The following COL24A1 variants were observed in gnomAD, a reference collection of about 807,000 sequenced individuals.
COL24A1 encodes collagen type XXIV alpha 1 chain.
A neutral mutation model predicts 253.9 loss-of-function variants in COL24A1; 224 were observed. The observed-to-expected ratio is 0.88, with a 90% CI of 0.79 to 0.99. The LOEUF (loss-of-function observed/expected upper bound fraction) is 0.99. Ranked by LOEUF, COL24A1 falls within the 50% of genes least tolerant of loss-of-function variation. COL24A1 has a pLI of 0.00. For missense variants in COL24A1, 2,131 were observed against 2,068.5 expected, an observed-to-expected ratio of 1.03 and a Z score of -0.59; for synonymous variants, 685 against 673.7, an observed-to-expected ratio of 1.02 and a Z score of -0.26.
Position 86,125,143 on chromosome 1 carries a change from G to A in COL24A1, c.1193C>T (p.Pro398Leu). The A allele has an allele frequency of 6.2e-7, 1 of 1,613,338 alleles. No homozygotes were observed. The highest frequency in any genetic ancestry group is 2.2e-5 in the East Asian group (1 of 44,854). Residue 398 changes from proline to leucine, a missense_variant, in exon 3 of 60, where the codon CCA (proline) becomes CTA (leucine). By Grantham distance (98) the Pro-to-Leu change is moderately conservative. Transcript: ENST00000370571. ...SLFKKMPSIL[P>L]QIKQDTITNL... is the part of the protein sequence containing the mutation. ...AGTAATTGTATCTTGTTTAATTTGT[G>A]GAAGAATAGATGGCATCTTCTTAAA...
intron 24 of COL24A1, among the ~76,000 whole-genome samples, chr1:85,916,951 C>T (rs879128774): frequency 8.5e-5 from 13 of 152,176 alleles, no homozygotes; most frequent in African/African-American, 1.4e-4. Flanking sequence ...TATAGAAAGA[C>T]GTTCATTGCT....
Position 85,907,245 on chromosome 1 carries a change from A to C in COL24A1, c.2727T>G (p.Gly909=). ...CAGGTGGTCCTCTTGCCCCCACATG[A>C]CCCTATATGTTGTAAATTTAAAGTC... The part of the protein sequence containing the change: ...PGPIGPLGLP[G]HVGARGPPGS... Residue 909 remains glycine, a splice_region_variant and synonymous_variant, in exon 28 of 60, where the codon GGT becomes GGG. Coordinates refer to ENST00000370571, the MANE Select transcript of COL24A1 (RefSeq NM_152890.7). 1 of 1,610,336 alleles carries C rather than the reference A, an allele frequency of 6.2e-7. No individual in the cohort carries two copies. Among genetic ancestry groups the C allele is most frequent in the Non-Finnish European group, 8.5e-7 (1 of 1,177,360 alleles).
intron 35 of COL24A1, among the ~76,000 whole-genome samples, chr1:85,873,266 G>A (rs920526559): frequency 6.6e-6 from 1 of 152,116 alleles, no homozygotes; most frequent in Non-Finnish European, 1.5e-5. Context: ...CAACCATTGT[G>A]GAAGACAGTG....
chr1:86,001,167 T>C lies in COL24A1; in HGVS notation c.2311-13513A>G, dbSNP rs535313577. ...TTCATTGTTACAGCATATGCAAGTA[T>C]CATCACTGTCACATTGCCTAGAATA... On this transcript the variant is annotated intron_variant, in intron 19 of 59. Transcript: ENST00000370571. Among the ~76,000 whole-genome samples the C allele has an allele frequency of 4.6e-4, 70 of 152,350 alleles. 2 individuals carry two copies. The South Asian group carries it at 0.013, about 28-fold the overall frequency.
At chr1:85,802,664 C>T (rs1671557929) in intron 47 of COL24A1, among the ~76,000 whole-genome samples, 1 of 152,046 alleles carries the variant, frequency 6.6e-6, no homozygotes, top group Non-Finnish European at 1.5e-5. Context: ...TAAACCATCA[C>T]CACTATCAAG....
chr1:85,991,924 A>T (rs1694320701), intron 19 of COL24A1, among the ~76,000 whole-genome samples: 2 of 149,654 alleles, frequency 1.3e-5, no homozygotes, highest in Non-Finnish European at 1.5e-5. Context: ...ATTATTTTTT[A>T]TTATACTTTA....
chr1:85,923,305 C>T (rs1183149072), intron 24 of COL24A1, among the ~76,000 whole-genome samples: 4 of 152,184 alleles, frequency 2.6e-5, no homozygotes, highest in Non-Finnish European at 5.9e-5. Flanking sequence ...GAACTCAGCT[C>T]TGCACCAAGT....
At chr1:85,868,458 T>C (rs1360290649) in intron 37 of COL24A1, 61 bp downstream of exon 37, 3 of 1,164,084 alleles carry the variant, frequency 2.6e-6, no homozygotes, top group African/African-American at 1.5e-5. Flanking sequence ...GGTTTGTGCA[T>C]GTGTACACAT....
chr1:85,933,109 AG>A (rs386354115), intron 24 of COL24A1, among the ~76,000 whole-genome samples: 38,744 of 96,156 alleles, frequency 0.4, 4,983 homozygotes, highest in Non-Finnish European at 0.47. Context: ...AAAGAAAGAA[AG>A]AAAAAAAAAA....
At chr1:86,130,420 C>T (rs1648981774) in intron 2 of COL24A1, among the ~76,000 whole-genome samples, 1 of 151,796 alleles carries the variant, frequency 6.6e-6, no homozygotes, top group Non-Finnish European at 1.5e-5. Flanking sequence ...TGAAGTCTTT[C>T]ACTATGTAGT....
intron 43 of COL24A1, among the ~76,000 whole-genome samples, chr1:85,834,373 T>G (rs556109024): frequency 6.6e-6 from 1 of 152,204 alleles, no homozygotes; most frequent in South Asian, 2.1e-4. Context: ...TCTACTGGTT[T>G]AGACATCTGA....
chr1:85,960,273 C>T (rs140537359), intron 24 of COL24A1, among the ~76,000 whole-genome samples: 1 of 152,130 alleles, frequency 6.6e-6, no homozygotes, highest in African/African-American at 2.4e-5. Flanking sequence ...ATTTAGCACA[C>T]TCTGTAAACG....
intron 53 of COL24A1, among the ~76,000 whole-genome samples, chr1:85,766,556 A>T (rs945271672): frequency 6.6e-6 from 1 of 152,226 alleles, no homozygotes; most frequent in African/African-American, 2.4e-5. Flanking sequence ...GAAAGGACCT[A>T]CTTGGGATCA....
intron 59 of COL24A1, among the ~76,000 whole-genome samples, chr1:85,732,465 G>C (rs886668919): frequency 4.0e-5 from 6 of 151,742 alleles, no homozygotes; most frequent in African/African-American, 1.5e-4. Context: ...TCCTGATCTT[G>C]TTATCTGCCT....
At chr1:86,151,052 G>A (rs2102452054) in intron 1 of COL24A1, among the ~76,000 whole-genome samples, 1 of 152,166 alleles carries the variant, frequency 6.6e-6, no homozygotes, top group East Asian at 1.9e-4. Flanking sequence ...GTGTGTGTGT[G>A]TGTGTATACA....
rs956534526 is a variant in COL24A1 at position 85,941,001 on chromosome 1, C to T, written c.2562+20248G>A. Among the ~76,000 whole-genome samples, 3 of 152,244 alleles carry T rather than the reference C, an allele frequency of 2.0e-5. No homozygotes were observed. The East Asian group carries it at 5.8e-4, about 29-fold the overall frequency. The stretch of plus-strand genomic sequence containing the variant: ...AAGGTGATAATGTGAATATCATCCA[C>T]CTAACTTGGTTGAACTTAAGGTGTT... On this transcript the variant is annotated intron_variant, in intron 24 of 59. Transcript: ENST00000370571.
chr1:86,142,197 A>T lies in COL24A1; in HGVS notation c.121+3922T>A, dbSNP rs74597231. Reference sequence around the variant, plus strand: ...GAAACGAGAACAGGATGAAAAAAAAAAAGACTAGTCTCAGTGAAAAAACCC... The same window carrying T: ...GAAACGAGAACAGGATGAAAAAAAATAAGACTAGTCTCAGTGAAAAAACCC... On this transcript the variant is annotated intron_variant, in intron 2 of 59. Coordinates refer to ENST00000370571, the MANE Select transcript of COL24A1 (RefSeq NM_152890.7). Among the ~76,000 whole-genome samples the T allele has an allele frequency of 9.2e-3, 1,399 of 152,192 alleles. 25 individuals carry two copies. The highest frequency in any genetic ancestry group is 0.073 in the East Asian group (377 of 5,166).
chr1:86,028,951 G>A (rs1698296425), intron 14 of COL24A1, among the ~76,000 whole-genome samples: 1 of 152,138 alleles, frequency 6.6e-6, no homozygotes, highest in South Asian at 2.1e-4. Context: ...AACCAGACTA[G>A]ATATCTTGGG....
intron 3 of COL24A1, among the ~76,000 whole-genome samples, chr1:86,123,281 A>T (rs1647669560): frequency 6.6e-6 from 1 of 151,932 alleles, no homozygotes; most frequent in Admixed American, 6.6e-5. Flanking sequence ...TGTCCACAAG[A>T]TCTTATTCTG....
Sources: gnomAD v4.1 joint callset for allele counts (sites outside exome capture counted in the v4.1 genomes callset) on GRCh38, gnomAD v4.1.1 for gene constraint, MANE v1.5 for transcripts, NCBI Gene and HGNC (gene_info 2026-07-23, HGNC 2026-07-21) for gene names.